The following NFIB variants were observed in gnomAD, a reference collection of about 807,000 sequenced individuals.
NFIB encodes nuclear factor I B.
A neutral mutation model predicts 61.5 loss-of-function variants in NFIB; 11 were observed. The ratio of observed to expected loss-of-function variants is 0.18; its 90% CI spans 0.11 to 0.30. The LOEUF (loss-of-function observed/expected upper bound fraction) is 0.30. NFIB is among the 10% of genes least tolerant of loss of function. NFIB has a pLI of 1.00. For synonymous variants in NFIB, 260 were observed against 216.5 expected (o/e 1.20, Z -1.76); for missense variants, 471 against 608.9 (o/e 0.77, Z 2.38).
chr9:14,425,042 T>G, the NFIB span, among the ~76,000 whole-genome samples: 1 of 152,180 alleles, frequency 6.6e-6, no homozygotes, highest in African/African-American at 2.4e-5. Context: ...AGTACTCAAG[T>G]GCCCAATTCC....
rs186824932 is a variant in NFIB at position 14,224,801 on chromosome 9, T to G, written c.563-45021A>C. On this transcript the variant is annotated intron_variant, in intron 2 of 10. Coordinates refer to ENST00000380953, the MANE Select transcript of NFIB (RefSeq NM_001190737.2). The stretch of plus-strand genomic sequence containing the variant: ...CAAAATACCATGGAACGACTGTATT[T>G]TCCATTGTCGTATTTTCTTTACCTT... Among the ~76,000 whole-genome samples the G allele has an allele frequency of 8.0e-4, 122 of 152,362 alleles. 1 individual carries two copies. Among genetic ancestry groups the G allele is most frequent in the African/African-American group, 2.8e-3 (116 of 41,582 alleles).
At chr9:14,529,001 A>T in the NFIB span, among the ~76,000 whole-genome samples, 1 of 152,194 alleles carries the variant, frequency 6.6e-6, no homozygotes, top group East Asian at 1.9e-4. Flanking sequence ...CCTTGAAAGA[A>T]GTCACATACA....
chr9:14,430,763 G>A, the NFIB span, among the ~76,000 whole-genome samples: 6 of 151,956 alleles, frequency 3.9e-5, no homozygotes, highest in East Asian at 7.7e-4. Context: ...TTTATTTTTC[G>A]TAGAGAGGGG....
At chr9:14,413,052 C>G in the NFIB span, among the ~76,000 whole-genome samples, 6 of 152,074 alleles carry the variant, frequency 3.9e-5, no homozygotes, top group Non-Finnish European at 7.4e-5. Flanking sequence ...AGAATATATG[C>G]GGGAGGCTTT....
chr9:14,499,593 A>T, the NFIB span, among the ~76,000 whole-genome samples: 1 of 152,230 alleles, frequency 6.6e-6, no homozygotes, highest in Non-Finnish European at 1.5e-5. Flanking sequence ...CTCTATAGCA[A>T]CTTGAAAAGG....
chr9:14,364,876 T>C (rs1588373520), intron 1 of NFIB, among the ~76,000 whole-genome samples: 1 of 152,140 alleles, frequency 6.6e-6, no homozygotes. Context: ...TTCAGAGAGA[T>C]GAGAGGGTAA....
At chr9:14,434,824 A>G in the NFIB span, among the ~76,000 whole-genome samples, 1 of 152,366 alleles carries the variant, frequency 6.6e-6, no homozygotes, top group South Asian at 2.1e-4. Flanking sequence ...GCACAGGAAT[A>G]CCTAATCAAT....
chr9:14,501,053 G>A, the NFIB span, among the ~76,000 whole-genome samples: 2 of 152,180 alleles, frequency 1.3e-5, no homozygotes, highest in African/African-American at 4.8e-5. Flanking sequence ...GCACAATGGA[G>A]GCTTCTAACT....
At chr9:14,114,834 A>C (rs2037885862) in intron 9 of NFIB, among the ~76,000 whole-genome samples, 1 of 152,234 alleles carries the variant, frequency 6.6e-6, no homozygotes, top group Non-Finnish European at 1.5e-5. Context: ...ACTTAAAAAA[A>C]AATCTTTGTT....
the NFIB span, among the ~76,000 whole-genome samples, chr9:14,423,839 T>C: frequency 6.6e-6 from 1 of 152,212 alleles, no homozygotes; most frequent in African/African-American, 2.4e-5. Flanking sequence ...TGTGCAGTAA[T>C]CTTACACCAT....
intron 2 of NFIB, among the ~76,000 whole-genome samples, chr9:14,282,682 T>C (rs1247281365): frequency 6.6e-6 from 1 of 152,002 alleles, no homozygotes; most frequent in African/African-American, 2.4e-5. Context: ...AAGGCAAGAG[T>C]AGTTGTCCTT....
At chr9:14,155,971 G>C (rs2043352029) in intron 3 of NFIB, 78 bp from the exon 4 acceptor site, 6 of 864,904 alleles carry the variant, frequency 6.9e-6, no homozygotes, top group Non-Finnish European at 1.0e-5. Context: ...GAATTTAAGT[G>C]TTTTAAAGCC....
upstream of NFIB, among the ~76,000 whole-genome samples, chr9:14,316,205 A>G (rs181856691): frequency 1.8e-4 from 28 of 152,358 alleles, no homozygotes; most frequent in East Asian, 4.2e-3. Flanking sequence ...TGAAATGGTC[A>G]CTTTTTAACC....
At chr9:14,208,976 G>T (rs956316697) in intron 2 of NFIB, among the ~76,000 whole-genome samples, 1 of 152,076 alleles carries the variant, frequency 6.6e-6, no homozygotes, top group Non-Finnish European at 1.5e-5. Context: ...CAACAAAAAT[G>T]TACACAAAAA....
chr9:14,407,713 AT>A, the NFIB span, among the ~76,000 whole-genome samples: 1 of 152,108 alleles, frequency 6.6e-6, no homozygotes, highest in Non-Finnish European at 1.5e-5. Flanking sequence ...TAGAGACAGG[AT>A]CTTGCTTTGT....
chr9:14,487,604 G>A, the NFIB span, among the ~76,000 whole-genome samples: 1 of 139,150 alleles, frequency 7.2e-6, no homozygotes, highest in Non-Finnish European at 1.5e-5. Flanking sequence ...GATTTCAACT[G>A]AAAACAGAAA....
At chr9:14,300,445 C>T (rs1364834862) in intron 2 of NFIB, among the ~76,000 whole-genome samples, 1 of 152,200 alleles carries the variant, frequency 6.6e-6, no homozygotes, top group Non-Finnish European at 1.5e-5. Flanking sequence ...GTTCTACTTT[C>T]ATCAACTTCA....
At chr9:14,433,276 T>G in the NFIB span, among the ~76,000 whole-genome samples, 1 of 152,146 alleles carries the variant, frequency 6.6e-6, no homozygotes, top group East Asian at 1.9e-4. Context: ...CATTAAAAAT[T>G]TTTTTGCCAT....
At chr9:14,281,838 C>A (rs2058390408) in intron 2 of NFIB, among the ~76,000 whole-genome samples, 1 of 151,254 alleles carries the variant, frequency 6.6e-6, no homozygotes, top group East Asian at 1.9e-4. Context: ...CACACGTGCA[C>A]ACCCCACACG....
Sources: allele counts gnomAD v4.1 joint callset (sites outside exome capture counted in the v4.1 genomes callset), GRCh38; gene constraint gnomAD v4.1.1; transcripts MANE v1.5; gene names NCBI Gene and HGNC (gene_info 2026-07-23, HGNC 2026-07-21).